The following MACROD2 variants were observed in gnomAD, a reference collection of about 807,000 sequenced individuals.
The protein encoded by MACROD2 is ADP-ribose glycohydrolase MACROD2.
MACROD2 carries 36 observed loss-of-function variants against 70.4 expected under a neutral mutation model. The observed-to-expected ratio is 0.51, with a 90% CI of 0.39 to 0.68. The LOEUF (loss-of-function observed/expected upper bound fraction) is 0.68, where lower values mean the gene tolerates loss of function less well. Ranked by LOEUF, MACROD2 falls within the 30% of genes least tolerant of loss-of-function variation. The probability of loss-of-function intolerance (pLI) is 0.00; values close to 1 mark genes in which losing one functional copy is unlikely to be tolerated. For missense variants in MACROD2, 496 were observed against 538.4 expected (o/e 0.92, Z 0.78); for synonymous variants, 172 against 178.8 (o/e 0.96, Z 0.30).
At chr20:14,168,764 C>G (rs1047662148) in intron 3 of MACROD2, among the ~76,000 whole-genome samples, 10 of 152,268 alleles carry the variant, frequency 6.6e-5, no homozygotes, top group African/African-American at 2.4e-4. Flanking sequence ...CAGCTGAATT[C>G]TATCAAACAT....
chr20:14,938,490 C>T (rs909997770), intron 5 of MACROD2, among the ~76,000 whole-genome samples: 1 of 152,156 alleles, frequency 6.6e-6, no homozygotes, highest in South Asian at 2.1e-4. Context: ...TTGAATAAAA[C>T]CTAAACCAGG....
chr20:14,934,801 TAATAA>T (rs552887583), intron 5 of MACROD2: 200 of 151,744 alleles, frequency 1.3e-3, no homozygotes, highest in African/African-American at 4.7e-3. Context: ...AACAAGATAA[TAATAA>T]AATAAAATAA....
intron 4 of MACROD2, among the ~76,000 whole-genome samples, chr20:14,507,614 A>G (rs1192893049): frequency 2.0e-5 from 3 of 152,224 alleles, no homozygotes; most frequent in South Asian, 4.1e-4. Context: ...TGTTGGATTT[A>G]GCAAAAATTT....
At chr20:14,093,164 T>G (rs2054175965) in intron 3 of MACROD2, among the ~76,000 whole-genome samples, 1 of 152,174 alleles carries the variant, frequency 6.6e-6, no homozygotes, top group Non-Finnish European at 1.5e-5. Flanking sequence ...CAATGCAGGC[T>G]TGAGCTCCTG....
At chr20:15,476,726 C>T (rs569851132) in intron 7 of MACROD2, among the ~76,000 whole-genome samples, 1 of 152,240 alleles carries the variant, frequency 6.6e-6, no homozygotes, top group Admixed American at 6.5e-5. Flanking sequence ...GAAAAACCAG[C>T]AAGATATCCC....
intron 4 of MACROD2, among the ~76,000 whole-genome samples, chr20:14,556,473 C>T (rs1979037846): frequency 6.6e-6 from 1 of 151,946 alleles, no homozygotes; most frequent in Non-Finnish European, 1.5e-5. Context: ...GATAAAGAAG[C>T]TCCAAGAAAG....
chr20:14,672,141 T>C (rs1054046967), intron 4 of MACROD2, among the ~76,000 whole-genome samples: 1 of 152,232 alleles, frequency 6.6e-6, no homozygotes, highest in Non-Finnish European at 1.5e-5. Context: ...TATTTAATTA[T>C]TGATTCTATG....
Position 15,588,355 on chromosome 20 carries a change from G to A in MACROD2, c.645+88508G>A, listed in dbSNP as rs532756525. Among the ~76,000 whole-genome samples, 4 of 152,296 alleles carry A rather than the reference G, an allele frequency of 2.6e-5. No homozygotes were observed. In the South Asian group the frequency reaches 8.3e-4, roughly 32 times the overall value. The stretch of plus-strand genomic sequence containing the variant: ...TCCCGGGCCTCTGAGCCTGTGATGG[G>A]AGGGGCTGCTGTGAAGGTCTCTGGC... On this transcript the variant is annotated intron_variant, in intron 8 of 17. Coordinates refer to ENST00000684519, the MANE Select transcript of MACROD2 (RefSeq NM_001351661.2).
At chr20:14,745,333 G>T (rs1245594454) in intron 5 of MACROD2, among the ~76,000 whole-genome samples, 1 of 152,144 alleles carries the variant, frequency 6.6e-6, no homozygotes, top group Non-Finnish European at 1.5e-5. Context: ...GTCTATATTT[G>T]TATAGGCCTA....
intron 5 of MACROD2, among the ~76,000 whole-genome samples, chr20:14,705,782 A>G (rs931257980): frequency 1.3e-5 from 2 of 152,172 alleles, no homozygotes; most frequent in Non-Finnish European, 1.5e-5. Flanking sequence ...TCAGTATTTT[A>G]TGAAGTTAAA....
intron 10 of MACROD2, among the ~76,000 whole-genome samples, chr20:15,916,726 C>G (rs1195806903): frequency 2.0e-5 from 3 of 152,360 alleles, no homozygotes; most frequent in African/African-American, 7.2e-5. Context: ...GACACGGGCA[C>G]TTTGCTGTCT....
intron 5 of MACROD2, among the ~76,000 whole-genome samples, chr20:14,773,388 C>T (rs1463626455): frequency 6.6e-6 from 1 of 151,952 alleles, no homozygotes; most frequent in Admixed American, 6.6e-5. Flanking sequence ...CCCCTATTTC[C>T]CAGCCCCTGG....
At chr20:15,289,326 G>A (rs943821211) in intron 6 of MACROD2, among the ~76,000 whole-genome samples, 8 of 152,176 alleles carry the variant, frequency 5.3e-5, no homozygotes, top group South Asian at 4.1e-4. Context: ...AAGGGAGAAC[G>A]AGCTTCTAGG....
intron 2 of MACROD2, among the ~76,000 whole-genome samples, chr20:14,040,846 A>T (rs2053380430): frequency 1.3e-5 from 2 of 152,206 alleles, no homozygotes; most frequent in African/African-American, 4.8e-5. Flanking sequence ...GTTGTGTGGC[A>T]CATGATTGTA....
At chr20:14,777,366 T>C (rs1365192191) in intron 5 of MACROD2, among the ~76,000 whole-genome samples, 1 of 152,038 alleles carries the variant, frequency 6.6e-6, no homozygotes, top group African/African-American at 2.4e-5. Context: ...TAAGGGCTGG[T>C]TCTTGTGGAC....
At chr20:15,199,007 CTTT>C (rs11477634) in intron 5 of MACROD2, among the ~76,000 whole-genome samples, 15 of 118,612 alleles carry the variant, frequency 1.3e-4, no homozygotes, top group East Asian at 2.4e-4. Context: ...ATCTGGACTT[CTTT>C]TTTTTTTTTT....
chr20:14,265,469 G>C (rs937181751), intron 3 of MACROD2, among the ~76,000 whole-genome samples: 1 of 152,046 alleles, frequency 6.6e-6, no homozygotes, highest in African/African-American at 2.4e-5. Context: ...TCTTATCCAT[G>C]TACCAAATTT....
intron 3 of MACROD2, among the ~76,000 whole-genome samples, chr20:14,263,446 T>A (rs534735356): frequency 1.3e-5 from 2 of 152,042 alleles, no homozygotes; most frequent in Non-Finnish European, 2.9e-5. Context: ...AGAGATACCA[T>A]CAGAGGCAGA....
At chr20:14,180,713 A>G (rs1165079149) in intron 3 of MACROD2, among the ~76,000 whole-genome samples, 1 of 151,844 alleles carries the variant, frequency 6.6e-6, no homozygotes, top group Non-Finnish European at 1.5e-5. Context: ...GAAATCATTG[A>G]TTTATATATG....
Sources: allele counts gnomAD v4.1 joint callset (sites outside exome capture counted in the v4.1 genomes callset), GRCh38; gene constraint gnomAD v4.1.1; transcripts MANE v1.5; gene names NCBI Gene and HGNC (gene_info 2026-07-23, HGNC 2026-07-21).